The following DLGAP1 variants were observed in gnomAD, a reference collection of about 807,000 sequenced individuals.
DLGAP1 encodes the protein disks large-associated protein 1.
In DLGAP1, 11 loss-of-function variants were observed where a neutral mutation model predicts 90.8. The observed-to-expected ratio is 0.12, with a 90% CI of 0.08 to 0.20. DLGAP1 has a LOEUF of 0.20. DLGAP1 is among the 10% of genes least tolerant of loss of function. The pLI is 1.00. For synonymous variants in DLGAP1, 558 were observed against 540.7 expected (o/e 1.03, Z -0.44); for missense variants, 1,050 against 1,333.8 (o/e 0.79, Z 3.31).
At chr18:4,076,019 T>C (rs758448063) in intron 2 of DLGAP1, among the ~76,000 whole-genome samples, 7 of 152,154 alleles carry the variant, frequency 4.6e-5, no homozygotes, top group Non-Finnish European at 1.0e-4. Flanking sequence ...TCTCCCTTTC[T>C]CGCTCTCTGT....
At chr18:4,033,740 C>CTTT (rs34275416) in intron 2 of DLGAP1, among the ~76,000 whole-genome samples, 35 of 139,904 alleles carry the variant, frequency 2.5e-4, no homozygotes, top group African/African-American at 8.0e-4. Context: ...AGTTTAGCAA[C>CTTT]TTTTTTTTTT....
chr18:4,122,472 G>C (rs1358065047), intron 2 of DLGAP1, among the ~76,000 whole-genome samples: 2 of 152,274 alleles, frequency 1.3e-5, no homozygotes, highest in Admixed American at 1.3e-4. Flanking sequence ...AATACATGAA[G>C]CTATTGTTCC....
chr18:3,774,570 A>G (rs142772375), intron 5 of DLGAP1: 109 of 152,340 alleles, frequency 7.2e-4, no homozygotes, highest in Admixed American at 2.6e-3. Context: ...GCTCCTGGAG[A>G]TGATGTCTCT....
chr18:4,106,872 A>G (rs988405338), intron 2 of DLGAP1, among the ~76,000 whole-genome samples: 2 of 152,256 alleles, frequency 1.3e-5, no homozygotes, highest in Non-Finnish European at 2.9e-5. Flanking sequence ...ACCCGAATAC[A>G]GAGCTGTCCA....
intron 7 of DLGAP1, among the ~76,000 whole-genome samples, chr18:3,662,283 T>C (rs2146613976): frequency 1.3e-5 from 2 of 152,168 alleles, no homozygotes; most frequent in Middle Eastern, 6.8e-3. Context: ...GGCTGTAAAA[T>C]ACCTTTTAAT....
intron 1 of DLGAP1, chr18:4,295,270 G>C (rs1297076529): frequency 6.6e-6 from 1 of 152,032 alleles, no homozygotes; most frequent in Admixed American, 6.6e-5. Context: ...GCTCTAAAAG[G>C]GTCCATATTT....
chr18:3,691,405 C>T lies in DLGAP1; in HGVS notation c.1591+37730G>A, dbSNP rs1360717406. ...TCGCGCCACTGCATTCCAGCCTGGGCGATAGAGCAAGACTCTGTCTCAAAA... is the reference window on the plus strand; with the variant it reads ...TCGCGCCACTGCATTCCAGCCTGGGTGATAGAGCAAGACTCTGTCTCAAAA... On this transcript the variant is annotated intron_variant, in intron 7 of 12. Transcript: ENST00000315677. Among the ~76,000 whole-genome samples the T allele has an allele frequency of 4.2e-5, 6 of 144,038 alleles. No individual in the cohort carries two copies. The South Asian group carries it at 8.8e-4, about 21-fold the overall frequency. 94.5% of individuals were successfully genotyped at this position (144,038 alleles called of 152,430 possible). A position where few individuals can be genotyped will look rare whatever the true frequency, so the allele number is the denominator to read the frequency against.
At chr18:4,050,572 A>G (rs577711320) in intron 2 of DLGAP1, among the ~76,000 whole-genome samples, 1 of 152,322 alleles carries the variant, frequency 6.6e-6, no homozygotes, top group South Asian at 2.1e-4. Context: ...ATTAATACTC[A>G]ATGGAAACTT....
intron 1 of DLGAP1, among the ~76,000 whole-genome samples, chr18:4,190,392 C>T (rs780313328): frequency 1.3e-5 from 2 of 151,952 alleles, no homozygotes; most frequent in South Asian, 2.1e-4. Flanking sequence ...GGTTGAAGTA[C>T]AAGAAAACTT....
chr18:3,736,279 C>G (rs919155169), intron 6 of DLGAP1, among the ~76,000 whole-genome samples: 8 of 152,080 alleles, frequency 5.3e-5, no homozygotes, highest in Non-Finnish European at 1.0e-4. Flanking sequence ...TTCTCAAGCC[C>G]TACTTTAAAA....
intron 3 of DLGAP1, among the ~76,000 whole-genome samples, chr18:3,923,778 T>C (rs1046396697): frequency 1.3e-5 from 2 of 152,240 alleles, no homozygotes; most frequent in African/African-American, 4.8e-5. Flanking sequence ...ACAGTAATCC[T>C]GTTGTTTTGG....
chr18:4,060,620 C>T (rs192337318), intron 2 of DLGAP1, among the ~76,000 whole-genome samples: 5 of 152,250 alleles, frequency 3.3e-5, no homozygotes, highest in Non-Finnish European at 5.9e-5. Context: ...CATTTTGCTC[C>T]CCCTTCACAG....
At chr18:3,797,982 G>A (rs373884381) in intron 5 of DLGAP1, among the ~76,000 whole-genome samples, 7 of 152,260 alleles carry the variant, frequency 4.6e-5, no homozygotes, top group South Asian at 4.2e-4. Flanking sequence ...AACCCCTATC[G>A]CTTGGCTCTC....
At chr18:3,995,457 G>C (rs1343046462) in intron 3 of DLGAP1, 1 of 152,144 alleles carries the variant, frequency 6.6e-6, no homozygotes, top group Non-Finnish European at 1.5e-5. Context: ...AATTCCGTAA[G>C]AAAGACCTTT....
chr18:3,890,288 C>A (rs1200860115), intron 3 of DLGAP1, among the ~76,000 whole-genome samples: 1 of 152,200 alleles, frequency 6.6e-6, no homozygotes, highest in African/African-American at 2.4e-5. Flanking sequence ...TTTTTGAAAA[C>A]TATCATCAGT....
intron 2 of DLGAP1, among the ~76,000 whole-genome samples, chr18:4,110,857 C>T (rs1370867614): frequency 6.6e-6 from 1 of 152,096 alleles, no homozygotes; most frequent in Non-Finnish European, 1.5e-5. Context: ...CAGAAAGTCC[C>T]CTGAGATTCC....
At chr18:4,166,429 A>G (rs2076934645) in intron 1 of DLGAP1, among the ~76,000 whole-genome samples, 1 of 152,152 alleles carries the variant, frequency 6.6e-6, no homozygotes, top group Non-Finnish European at 1.5e-5. Flanking sequence ...TGCTGGTGGG[A>G]ATGTAAAATA....
At chr18:3,628,026 G>C (rs555032306) in intron 7 of DLGAP1, among the ~76,000 whole-genome samples, 2 of 150,950 alleles carry the variant, frequency 1.3e-5, no homozygotes, top group Admixed American at 6.6e-5. Context: ...TTACAGGCGC[G>C]CACCACACCT....
intron 1 of DLGAP1, among the ~76,000 whole-genome samples, chr18:4,449,504 G>C (rs2083763177): frequency 6.6e-6 from 1 of 152,188 alleles, no homozygotes; most frequent in African/African-American, 2.4e-5. Flanking sequence ...CATCCTCAGA[G>C]TTATGGCCCT....
Sources: allele counts gnomAD v4.1 joint callset (sites outside exome capture counted in the v4.1 genomes callset), GRCh38; gene constraint gnomAD v4.1.1; transcripts MANE v1.5; gene names NCBI Gene and HGNC (gene_info 2026-07-23, HGNC 2026-07-21).